GIGYF2: variants seen among roughly 807,000 people sequenced by gnomAD.
GIGYF2 encodes the protein GRB10-interacting GYF protein 2.
A neutral mutation model predicts 208.1 loss-of-function variants in GIGYF2; 25 were observed. That is an observed-to-expected ratio of 0.12 (90% CI 0.09 to 0.17). GIGYF2 has a LOEUF of 0.17. Among genes scored for constraint, GIGYF2 ranks in the 10% least tolerant of loss-of-function variants. GIGYF2 has a pLI of 1.00. For missense variants in GIGYF2, 1,302 were observed against 1,579.4 expected (o/e 0.82, Z 2.98); for synonymous variants, 534 against 543.8 (o/e 0.98, Z 0.25).
At chr2:232,839,715 AG>A (rs2106418321) in intron 22 of GIGYF2, 133 bp from the exon 23 acceptor site, 1 of 921,630 alleles carries the variant, frequency 1.1e-6, no homozygotes, top group East Asian at 2.4e-5. Flanking sequence ...GCAATGAAGA[AG>A]GAAATTTGAA....
At chr2:232,768,046 G>T in intron 8 of GIGYF2, 2 of 748,754 alleles carry the variant, frequency 2.7e-6, no homozygotes, top group South Asian at 1.7e-5. Flanking sequence ...TGTTAGCTCA[G>T]CCATTCTTAT....
chr2:232,747,702 C>T lies in GIGYF2; in HGVS notation c.129C>T (p.Tyr43=), dbSNP rs371272489. The part of the protein sequence containing the change: ...LPKYKLADYR[Y]GREEMLALFL... ...AGTATAAATTAGCAGATTATCGTTA[C>T]GGCAGAGAAGAAATGTTAGCACTTT... Residue 43 remains tyrosine, a synonymous_variant, in exon 4 of 29, where the codon TAC becomes TAT. Transcript: ENST00000373563. 5.0e-5 allele frequency: 81 copies of T among 1,613,504 alleles called. No homozygotes were observed. The highest frequency in any genetic ancestry group is 4.6e-4 in the South Asian group (42 of 91,076).
intron 22 of GIGYF2, among the ~76,000 whole-genome samples, chr2:232,839,498 A>C (rs1291518650): frequency 6.6e-6 from 1 of 152,160 alleles, no homozygotes; most frequent in Non-Finnish European, 1.5e-5. Flanking sequence ...AAAAATCCTT[A>C]AGCCAATTTA....
At chr2:232,844,782 A>C (rs966802906) in intron 25 of GIGYF2, among the ~76,000 whole-genome samples, 3 of 152,210 alleles carry the variant, frequency 2.0e-5, no homozygotes, top group African/African-American at 7.2e-5. Flanking sequence ...GCTCCTGCTG[A>C]GCACTTATTC....
chr2:232,730,184 G>C, intron 2 of GIGYF2: 1 of 1,472,918 alleles, frequency 6.8e-7, no homozygotes, highest in Non-Finnish European at 9.5e-7. Flanking sequence ...GGCTTTTCAG[G>C]TCTCTGAAAT....
At position 232,833,021 on chromosome 2, in the gene GIGYF2, G is replaced by C; in HGVS notation, c.2694G>C (p.Gln898His). The C allele has an allele frequency of 1.3e-6, 2 of 1,567,448 alleles. No individual in the cohort carries two copies. Among genetic ancestry groups the C allele is most frequent in the South Asian group, 2.4e-5 (2 of 85,018 alleles). ...AGCGGCAGAAGGAGTTAATGCGCCA[G>C]AGGCAGCAGCAGCAAGAGGCTCTCC... ...EVQRQKELMR[Q>H]RQQQQEALRR... The change falls in exon 22 of 29, where the codon CAG becomes CAC. Residue 898 changes from glutamine (Q) to histidine (H), a missense_variant. Coordinates refer to ENST00000373563, the MANE Select transcript of GIGYF2 (RefSeq NM_001103146.3).
intron 14 of GIGYF2, among the ~76,000 whole-genome samples, chr2:232,804,813 G>A (rs1169467392): frequency 1.3e-5 from 2 of 152,000 alleles, no homozygotes; most frequent in African/African-American, 2.4e-5. Flanking sequence ...TTTTCATTCC[G>A]TTGTGTGTAT....
intron 14 of GIGYF2, among the ~76,000 whole-genome samples, chr2:232,798,136 T>G (rs1279218086): frequency 1.3e-5 from 2 of 152,354 alleles, no homozygotes; most frequent in East Asian, 3.9e-4. Flanking sequence ...GCTCTGCATT[T>G]TGTCATTGCA....
At chr2:232,697,565 C>T (rs1032158759) in intron 1 of GIGYF2, among the ~76,000 whole-genome samples, 173 bp downstream of exon 1, 1 of 152,204 alleles carries the variant, frequency 6.6e-6, no homozygotes. Context: ...CTTGGGCCGT[C>T]AGGCGACGGG....
intron 14 of GIGYF2, among the ~76,000 whole-genome samples, chr2:232,804,503 T>C (rs528582331): frequency 6.6e-6 from 1 of 152,070 alleles, no homozygotes; most frequent in Non-Finnish European, 1.5e-5. Context: ...ATATTTATCC[T>C]TTTTTTGAGA....
chr2:232,816,793 G>A (rs139820392), intron 19 of GIGYF2, 78 bp from the exon 20 acceptor site: 34 of 1,079,500 alleles, frequency 3.1e-5, no homozygotes, highest in Non-Finnish European at 4.6e-5. Flanking sequence ...TTGAATGAAC[G>A]AATACTACTG....
rs572809907 is a variant in GIGYF2 at position 232,806,816 on chromosome 2, A to C, written c.1806+159A>C. On this transcript the variant is annotated intron_variant, in intron 15 of 28. Coordinates refer to ENST00000373563, the MANE Select transcript of GIGYF2 (RefSeq NM_001103146.3). This position sits in a 1 kb window ranked among gnomAD's most constrained non-coding sequence, Gnocchi z 4.0. ...AGTCTGAATGGAAGACTGAATACTTAGCTATAATGATCTTTTCAAAACTCG... is the reference window on the plus strand; with the variant it reads ...AGTCTGAATGGAAGACTGAATACTTCGCTATAATGATCTTTTCAAAACTCG... Among the ~76,000 whole-genome samples, 1 of 151,240 alleles carries C rather than the reference A, an allele frequency of 6.6e-6. No individual in the cohort carries two copies. Among genetic ancestry groups the C allele is most frequent in the Admixed American group, 6.6e-5 (1 of 15,116 alleles).
intron 6 of GIGYF2, among the ~76,000 whole-genome samples, chr2:232,758,942 A>G (rs1487528346): frequency 6.6e-6 from 1 of 152,180 alleles, no homozygotes; most frequent in African/African-American, 2.4e-5. Context: ...GAAGTACTTA[A>G]ACTGTGAGTT....
intron 5 of GIGYF2, among the ~76,000 whole-genome samples, chr2:232,753,111 A>C (rs1022149033): frequency 8.7e-5 from 13 of 149,488 alleles, no homozygotes; most frequent in African/African-American, 3.3e-4. Context: ...TTATTTATTT[A>C]TTTATTTATT....
chr2:232,732,328 C>T lies in GIGYF2; in HGVS notation c.-43-2827C>T, dbSNP rs181141331. ...TCCATTGGCTTGTGTGTTTTTCCCC[C>T]CTTTCTTTCTGAGGTCCTGTAAATC... On this transcript the variant is annotated intron_variant, in intron 2 of 28. Coordinates refer to ENST00000373563, the MANE Select transcript of GIGYF2 (RefSeq NM_001103146.3). Among the ~76,000 whole-genome samples, 770 of 152,240 alleles carry T rather than the reference C, an allele frequency of 5.1e-3. 10 individuals are homozygous for T. Among genetic ancestry groups the T allele is most frequent in the African/African-American group, 0.018 (742 of 41,540 alleles).
intron 8 of GIGYF2, among the ~76,000 whole-genome samples, chr2:232,781,481 G>A (rs1248434350): frequency 9.9e-5 from 15 of 151,758 alleles, no homozygotes; most frequent in African/African-American, 2.7e-4. Flanking sequence ...GTAGTAATTG[G>A]AAATGTGTAT....
intron 6 of GIGYF2, among the ~76,000 whole-genome samples, chr2:232,759,772 A>G (rs1316530457): frequency 6.6e-6 from 1 of 152,126 alleles, no homozygotes; most frequent in Non-Finnish European, 1.5e-5. Context: ...TTGTTGAATC[A>G]AATGTCAATA....
intron 8 of GIGYF2, among the ~76,000 whole-genome samples, chr2:232,776,008 A>G (rs1276318224): frequency 6.6e-6 from 1 of 152,198 alleles, no homozygotes; most frequent in Non-Finnish European, 1.5e-5. Flanking sequence ...TTAAAAATTT[A>G]CGATTAGGAT....
intron 18 of GIGYF2, among the ~76,000 whole-genome samples, chr2:232,813,945 T>C (rs145076027): frequency 0.013 from 1,790 of 142,146 alleles, 20 homozygotes; most frequent in South Asian, 0.043. Context: ...TGGTGTGTAG[T>C]GGCACAATCT....
Sources: allele counts gnomAD v4.1 joint callset (sites outside exome capture counted in the v4.1 genomes callset), GRCh38; gene constraint gnomAD v4.1.1; non-coding constraint Gnocchi (gnomAD v3.1); transcripts MANE v1.5; gene names NCBI Gene and HGNC (gene_info 2026-07-23, HGNC 2026-07-21).